Variants in OR10A2 observed in about 807,000 individuals in gnomAD.
OR10A2 encodes olfactory receptor family 10 subfamily A member 2.
OR10A2 carries 15 observed loss-of-function variants against 13.7 expected under a neutral mutation model. The ratio of observed to expected loss-of-function variants is 1.10; its 90% confidence interval spans 0.73 to 1.69. The LOEUF is 1.69. Ranked by LOEUF, OR10A2 falls within the 40% of genes most tolerant of loss-of-function variation. OR10A2 has a pLI of 0.00. For synonymous variants in OR10A2, 145 were observed against 144.7 expected (o/e 1.00, Z -0.02); for missense variants, 343 against 361.1 (o/e 0.95, Z 0.41).
At chr11:6,864,239 G>C (rs1053660512) in intron 1 of OR10A2, among the ~76,000 whole-genome samples, 1 of 151,550 alleles carries the variant, frequency 6.6e-6, no homozygotes. Flanking sequence ...CTTCTCCCCA[G>C]TCTTCTCCGC....
chr11:6,874,428 A>G lies in OR10A2; in HGVS notation c.*3762A>G, dbSNP rs1171627617. On this transcript the variant is annotated 3_prime_UTR_variant, in exon 2 of 2. Transcript: ENST00000641461. ...TCCAGTTCTCCAATGTTACTAATATATTGAAATTTTCTGCCCATCTTTAGA... is the reference window on the plus strand; with the variant it reads ...TCCAGTTCTCCAATGTTACTAATATGTTGAAATTTTCTGCCCATCTTTAGA... 2 of 152,224 alleles carry G rather than the reference A, an allele frequency of 1.3e-5. No homozygotes were observed. The highest frequency in any genetic ancestry group is 2.4e-5 in the African/African-American group (1 of 41,444). 9.4% of individuals were successfully genotyped at this position (152,224 alleles called of 1,614,324 possible). A position where few individuals can be genotyped will look rare whatever the true frequency, so the allele number is the denominator to read the frequency against.
Position 6,870,587 on chromosome 11 carries a change from G to A in OR10A2, c.833G>A (p.Ser278Asn), listed in dbSNP as rs756124281. Residue 278 changes from serine to asparagine, a missense_variant, in exon 2 of 2, where the codon AGC (serine) becomes AAC (asparagine). Physicochemically the swap from Ser to Asn is conservative, Grantham distance 46. Coordinates refer to ENST00000641461, the MANE Select transcript of OR10A2 (RefSeq NM_001004460.2). ...MTPMLNPIIY[S>N]LRNNEVKNAL... ...CCCATGTTGAACCCCATTATCTACA[G>A]CCTGAGAAATAACGAGGTGAAGAAT... is the stretch of plus-strand genomic sequence containing the variant. 3 of 1,613,950 alleles carry A rather than the reference G, an allele frequency of 1.9e-6. No homozygotes were observed. Among genetic ancestry groups the A allele is most frequent in the Admixed American group, 3.3e-5 (2 of 60,006 alleles).
intron 1 of OR10A2, among the ~76,000 whole-genome samples, chr11:6,867,177 C>T (rs994975910): frequency 3.3e-5 from 5 of 151,870 alleles, no homozygotes; most frequent in Non-Finnish European, 5.9e-5. Context: ...TGGCCCCACA[C>T]TGTCATTTTC....
At position 6,872,863 on chromosome 11, in the gene OR10A2, C is replaced by T. The variant is rs1347458911; in HGVS notation, c.*2197C>T. The stretch of plus-strand genomic sequence containing the variant: ...ACAAAGGTCTGCTCTATTACTCAGG[C>T]TGCTGGGGTGCAATGGCACAATCTT... On this transcript the variant is annotated 3_prime_UTR_variant, in exon 2 of 2. Transcript: ENST00000641461. 1 of 146,592 alleles carries T rather than the reference C, an allele frequency of 6.8e-6. No homozygotes were observed. The highest frequency in any genetic ancestry group is 2.0e-4 in the East Asian group (1 of 5,048). 9.1% of individuals were successfully genotyped at this position (146,592 alleles called of 1,614,324 possible). A position where few individuals can be genotyped will look rare whatever the true frequency, so the allele number is the denominator to read the frequency against.
rs754974386 is a variant in OR10A2 at position 6,872,817 on chromosome 11, C to CTTTTTTTTTTTTTT, written c.*2155_*2168dup. 7.3e-6 allele frequency: 1 copy of CTTTTTTTTTTTTTT among 136,434 alleles called. No individual in the cohort carries two copies. 8.5% of individuals were successfully genotyped at this position (136,434 alleles called of 1,614,324 possible). On this transcript the variant is annotated 3_prime_UTR_variant, in exon 2 of 2. Transcript: ENST00000641461. ...TGTTTCTCTTTTCTTTTCTTTCTTT[C>CTTTTTTTTTTTTTT]TTTTTTTTTTTTTTTTTGAGACAAA...
intron 1 of OR10A2, among the ~76,000 whole-genome samples, chr11:6,865,214 A>G: frequency 6.7e-6 from 1 of 148,796 alleles, no homozygotes; most frequent in African/African-American, 2.4e-5. Context: ...AAATCCAGAA[A>G]AATAAAAATA....
chr11:6,870,525 C>A lies in OR10A2; in HGVS notation c.771C>A (p.Gly257=), dbSNP rs773116410. The change falls in exon 2 of 2, where the codon GGC becomes GGA. Residue 257 remains glycine (G), a synonymous_variant. Transcript: ENST00000641461. ...CTAAATCAAATAATTCACCTGAGGG[C>A]AAGAAGCTGCTATCATTGTCCTACA... The part of the protein sequence containing the change: ...FRPKSNNSPE[G]KKLLSLSYTV... 2 of 1,614,090 alleles carry A rather than the reference C, an allele frequency of 1.2e-6. No homozygotes were observed. Among genetic ancestry groups the A allele is most frequent in the South Asian group, 2.2e-5 (2 of 91,076 alleles).
At chr11:6,866,499 T>C (rs1848379560) in intron 1 of OR10A2, among the ~76,000 whole-genome samples, 1 of 152,238 alleles carries the variant, frequency 6.6e-6, no homozygotes, top group Non-Finnish European at 1.5e-5. Flanking sequence ...ACATCTCTGA[T>C]ACTATTTACA....
chr11:6,869,088 T>G (rs1848402655), intron 1 of OR10A2, among the ~76,000 whole-genome samples: 1 of 152,218 alleles, frequency 6.6e-6, no homozygotes, highest in South Asian at 2.1e-4. Context: ...GGATTCAAGA[T>G]CTTCCATGTG....
In OR10A2 at chr11:6,871,239, G is replaced by T. The variant is rs542870290; in HGVS notation, c.*573G>T. On this transcript the variant is annotated 3_prime_UTR_variant, in exon 2 of 2. Transcript: ENST00000641461. ...TGGGATTACAGGCGTGAGCCACCGC[G>T]CCTGGCCGGTGTTTATATTTCTGTG... The T allele has an allele frequency of 6.5e-6, 1 of 152,750 alleles. No homozygotes were observed. The highest frequency in any genetic ancestry group is 1.5e-5 in the Non-Finnish European group (1 of 68,502). The allele number at this position is 152,750 out of a possible 1,614,324, so 9.5% of individuals were successfully genotyped here. A position where few individuals can be genotyped will look rare whatever the true frequency, so the allele number is the denominator to read the frequency against.
chr11:6,868,600 A>G (rs1336455052), intron 1 of OR10A2, among the ~76,000 whole-genome samples: 3 of 152,146 alleles, frequency 2.0e-5, no homozygotes, highest in Non-Finnish European at 2.9e-5. Flanking sequence ...AACACTGACC[A>G]TATCTTTGTT....
At chr11:6,867,641 C>A (rs2133068629) in intron 1 of OR10A2, among the ~76,000 whole-genome samples, 1 of 152,306 alleles carries the variant, frequency 6.6e-6, no homozygotes, top group African/African-American at 2.4e-5. Context: ...AATTTCATCT[C>A]ATTAACCTAA....
At position 6,870,138 on chromosome 11, in the gene OR10A2, T is replaced by G. The variant is rs769366981; in HGVS notation, c.384T>G (p.Arg128=). Residue 128 remains arginine, a synonymous_variant, in exon 2 of 2, where the codon CGT becomes CGG. Coordinates refer to ENST00000641461, the MANE Select transcript of OR10A2 (RefSeq NM_001004460.2). ...CAGTCATCATGAACCAAAGGACTCG[T>G]GCCAAACTGGCTGCTGCCTCCTGGT... ...HYPVIMNQRT[R]AKLAAASWFP... 1.3e-5 allele frequency: 21 copies of G among 1,614,210 alleles called. 1 individual carries two copies. The highest frequency in any genetic ancestry group is 1.2e-4 in the South Asian group (11 of 91,062).
chr11:6,863,991 A>G (rs113375986), intron 1 of OR10A2, among the ~76,000 whole-genome samples: 14 of 152,282 alleles, frequency 9.2e-5, no homozygotes, highest in African/African-American at 3.4e-4. Context: ...CTTATAAGCT[A>G]TCATTAGTGT....
rs1848452793 is a variant in OR10A2, at chr11:6,873,086, CA to C, written c.*2421del. ...CTCAGCCTCCCAAGGGCTGGGATTA[CA>C]GACGTGGGCCACCATGCCAGGCCAA... On this transcript the variant is annotated 3_prime_UTR_variant, in exon 2 of 2. Transcript: ENST00000641461. The C allele has an allele frequency of 6.6e-6, 1 of 152,028 alleles. No individual in the cohort carries two copies. Among genetic ancestry groups the C allele is most frequent in the Non-Finnish European group, 1.5e-5 (1 of 68,020 alleles). The allele number at this position is 152,028 out of a possible 1,614,324, so 9.4% of individuals were successfully genotyped here.
At chr11:6,865,009 T>C (rs1848368839) in intron 1 of OR10A2, among the ~76,000 whole-genome samples, 2 of 67,248 alleles carry the variant, frequency 3.0e-5, no homozygotes, top group Non-Finnish European at 7.8e-5. Context: ...TATATAAATA[T>C]ATATTAAATA....
At chr11:6,864,340 T>C (rs2133067163) in intron 1 of OR10A2, among the ~76,000 whole-genome samples, 1 of 151,990 alleles carries the variant, frequency 6.6e-6, no homozygotes, top group South Asian at 2.1e-4. Context: ...AAAAAAAAAT[T>C]CTAATAGTGA....
At chr11:6,868,820 T>C (rs948996670) in intron 1 of OR10A2, among the ~76,000 whole-genome samples, 15 of 152,192 alleles carry the variant, frequency 9.9e-5, no homozygotes, top group African/African-American at 3.6e-4. Flanking sequence ...GAAGAGCCTC[T>C]AGATAACCAA....
chr11:6,866,066 T>C (rs539554282), intron 1 of OR10A2, among the ~76,000 whole-genome samples: 1 of 152,358 alleles, frequency 6.6e-6, no homozygotes, highest in South Asian at 2.1e-4. Flanking sequence ...ATTCATGTTA[T>C]TGCATGTATC....
Sources: gnomAD v4.1 joint callset for allele counts (sites outside exome capture counted in the v4.1 genomes callset) on GRCh38, gnomAD v4.1.1 for gene constraint, MANE v1.5 for transcripts, NCBI Gene and HGNC (gene_info 2026-07-23, HGNC 2026-07-21) for gene names.